The following SHANK2 variants were observed in gnomAD, a reference collection of about 807,000 sequenced individuals.
SHANK2 encodes the protein SH3 and multiple ankyrin repeat domains protein 2.
SHANK2 carries 43 observed loss-of-function variants against 133.7 expected under a neutral mutation model. The ratio of observed to expected loss-of-function variants is 0.32; its 90% CI spans 0.25 to 0.41. The LOEUF (loss-of-function observed/expected upper bound fraction) is 0.41. SHANK2 is among the 10% of genes least tolerant of loss of function. The pLI is 1.00. For synonymous variants in SHANK2, 1,017 were observed against 952.8 expected (o/e 1.07, Z -1.24); for missense variants, 1,994 against 2,235.8 (o/e 0.89, Z 2.18).
intron 11 of SHANK2, among the ~76,000 whole-genome samples, chr11:70,839,733 C>T (rs576203039): frequency 5.1e-4 from 77 of 152,290 alleles, no homozygotes; most frequent in Non-Finnish European, 7.9e-4. Flanking sequence ...GCTGCCAGGC[C>T]GCCCTGGAAA....
chr11:71,098,269 TTG>T (rs1325385295), intron 6 of SHANK2, among the ~76,000 whole-genome samples: 2 of 142,104 alleles, frequency 1.4e-5, no homozygotes, highest in African/African-American at 2.6e-5. Flanking sequence ...GTGCACATGC[TTG>T]TGTGTGTGCA....
intron 14 of SHANK2, among the ~76,000 whole-genome samples, chr11:70,738,575 G>C (rs1241883053): frequency 2.0e-5 from 3 of 152,226 alleles, no homozygotes; most frequent in Non-Finnish European, 4.4e-5. Context: ...GTTCTGGTCT[G>C]TTTAGGCCCA....
chr11:71,108,374 G>C (rs1314123256), intron 6 of SHANK2, among the ~76,000 whole-genome samples: 1 of 152,110 alleles, frequency 6.6e-6, no homozygotes, highest in Non-Finnish European at 1.5e-5. Context: ...CTGCTTCCCA[G>C]CTCAGCTCCT....
rs531891990 is a variant in SHANK2 at position 70,816,807 on chromosome 11, C to T, written c.1493+3557G>A. On this transcript the variant is annotated intron_variant, in intron 12 of 25. Transcript: ENST00000601538. Reference sequence around the variant, plus strand: ...AAAGGCCACTTCCACAATGGGGCCTCGGTCCACAGCCAGGAAGCAGACAGC... The same window carrying T: ...AAAGGCCACTTCCACAATGGGGCCTTGGTCCACAGCCAGGAAGCAGACAGC... Among the ~76,000 whole-genome samples, 9 of 152,320 alleles carry T rather than the reference C, an allele frequency of 5.9e-5. 1 individual carries two copies. The Middle Eastern group carries it at 0.01, about 173-fold the overall frequency.
At chr11:70,913,468 AT>A (rs1950224865) in intron 10 of SHANK2, among the ~76,000 whole-genome samples, 2 of 152,328 alleles carry the variant, frequency 1.3e-5, no homozygotes, top group East Asian at 3.9e-4. Flanking sequence ...AAAGATCATT[AT>A]TAAGTTCCTT....
chr11:70,552,551 G>A lies in SHANK2; in HGVS notation c.2062-49620C>T, dbSNP rs920671486. ...CCCAGGCTCTAATCTCCAGGCATTCGTCTATGAAGCGATTCGTCACTTTCT... is the reference window on the plus strand; with the variant it reads ...CCCAGGCTCTAATCTCCAGGCATTCATCTATGAAGCGATTCGTCACTTTCT... On this transcript the variant is annotated intron_variant, in intron 17 of 25. Coordinates refer to ENST00000601538, the MANE Select transcript of SHANK2 (RefSeq NM_012309.5). Among the ~76,000 whole-genome samples, 5 of 152,212 alleles carry A rather than the reference G, an allele frequency of 3.3e-5. No homozygotes were observed. In the East Asian group the frequency reaches 5.8e-4, roughly 18 times the overall value.
At chr11:70,872,714 G>T (rs1483074000) in intron 11 of SHANK2, among the ~76,000 whole-genome samples, 4 of 152,066 alleles carry the variant, frequency 2.6e-5, no homozygotes, top group Non-Finnish European at 5.9e-5. Flanking sequence ...CCACGTTCTG[G>T]CCACCTGCGG....
intron 3 of SHANK2, among the ~76,000 whole-genome samples, chr11:71,123,918 G>A (rs1344035051): frequency 2.0e-5 from 3 of 152,054 alleles, no homozygotes; most frequent in Non-Finnish European, 4.4e-5. Flanking sequence ...GAGAGGACAC[G>A]AAGATGACCA....
At chr11:70,596,502 G>A (rs558498957) in intron 17 of SHANK2, among the ~76,000 whole-genome samples, 1 of 152,346 alleles carries the variant, frequency 6.6e-6, no homozygotes, top group East Asian at 1.9e-4. Flanking sequence ...GTCCTGGTCT[G>A]GGACCCACCC....
intron 1 of SHANK2, among the ~76,000 whole-genome samples, chr11:71,230,253 C>T: frequency 6.6e-6 from 1 of 152,018 alleles, no homozygotes; most frequent in South Asian, 2.1e-4. Context: ...TGCCACTGCA[C>T]TCCAGCCTCC....
chr11:70,865,543 C>G (rs2135519843), intron 11 of SHANK2, among the ~76,000 whole-genome samples: 1 of 152,260 alleles, frequency 6.6e-6, no homozygotes, highest in South Asian at 2.1e-4. Flanking sequence ...CTGCGCGTGC[C>G]TCATTCCCCA....
chr11:70,873,165 CA>C (rs782273241), intron 11 of SHANK2: 30 of 466,278 alleles, frequency 6.4e-5, no homozygotes, highest in Non-Finnish European at 4.5e-5. Context: ...GTTGCCACAG[CA>C]ACCGTGGCAT....
chr11:70,790,904 T>C (rs999876356), intron 14 of SHANK2, among the ~76,000 whole-genome samples: 2 of 151,988 alleles, frequency 1.3e-5, no homozygotes, highest in Admixed American at 1.3e-4. Flanking sequence ...CTCCATTCTC[T>C]CTCCCCGTCT....
At chr11:70,631,399 CA>C (rs1555002148) in intron 17 of SHANK2, among the ~76,000 whole-genome samples, 3 of 150,410 alleles carry the variant, frequency 2.0e-5, no homozygotes, top group South Asian at 2.1e-4. Context: ...CACACACACA[CA>C]CACACACACC....
At chr11:70,513,559 T>C (rs2059230773) in intron 17 of SHANK2, among the ~76,000 whole-genome samples, 1 of 152,202 alleles carries the variant, frequency 6.6e-6, no homozygotes, top group Non-Finnish European at 1.5e-5. Flanking sequence ...CAACTCAAAC[T>C]TATTTAGCAA....
intron 15 of SHANK2, among the ~76,000 whole-genome samples, chr11:70,691,291 T>A (rs1203782915): frequency 2.0e-5 from 3 of 151,952 alleles, no homozygotes; most frequent in Non-Finnish European, 4.4e-5. Flanking sequence ...TTGACCCTTG[T>A]GATGGACTAA....
chr11:70,820,279 C>A, intron 12 of SHANK2, 85 bp downstream of exon 12: 1 of 582,538 alleles, frequency 1.7e-6, no homozygotes, highest in South Asian at 2.3e-5. Flanking sequence ...GCTTCCTGCT[C>A]AACTTCTGGG....
At chr11:70,889,894 C>G (rs1949813220) in intron 11 of SHANK2, among the ~76,000 whole-genome samples, 1 of 152,144 alleles carries the variant, frequency 6.6e-6, no homozygotes, top group African/African-American at 2.4e-5. Flanking sequence ...GCAGACGCAG[C>G]TGGAAGACTG....
rs1247493546 is a variant in SHANK2 at position 70,500,225 on chromosome 11, G to A, written c.2308+345C>T. ...TTCCTGCCCACCACAAAGGGGTCCT[G>A]AGGGTCAGGAATGCAGCCAGAGGCT... On this transcript the variant is annotated intron_variant, in intron 21 of 25. Transcript: ENST00000601538. The surrounding 1 kb of genome is among the most constrained non-coding windows in gnomAD (Gnocchi z 4.5). 6.6e-6 allele frequency among the ~76,000 whole-genome samples: 1 copy of A among 152,140 alleles called. No homozygotes were observed.
Sources: allele counts gnomAD v4.1 joint callset (sites outside exome capture counted in the v4.1 genomes callset), GRCh38; gene constraint gnomAD v4.1.1; non-coding constraint Gnocchi (gnomAD v3.1); transcripts MANE v1.5; gene names NCBI Gene and HGNC (gene_info 2026-07-23, HGNC 2026-07-21).